ROS1: variants seen among roughly 807,000 people sequenced by gnomAD.
The protein encoded by ROS1 is proto-oncogene tyrosine-protein kinase ROS.
ROS1 carries 263 observed loss-of-function variants against 273.5 expected under a neutral mutation model. The ratio of observed to expected loss-of-function variants is 0.96; its 90% confidence interval spans 0.87 to 1.06. The LOEUF (loss-of-function observed/expected upper bound fraction) is 1.06, where lower values mean the gene tolerates loss of function less well. Ranked by LOEUF, ROS1 falls within the 50% of genes least tolerant of loss-of-function variation. The pLI is 0.00. For synonymous variants in ROS1, 1,008 were observed against 954.1 expected, an observed-to-expected ratio of 1.06 and a Z score of -1.04; for missense variants, 2,833 against 2,751.1, an observed-to-expected ratio of 1.03 and a Z score of -0.67.
intron 1 of ROS1, among the ~76,000 whole-genome samples, chr6:117,422,548 T>C (rs1162244761): frequency 6.6e-6 from 1 of 152,086 alleles, no homozygotes; most frequent in Non-Finnish European, 1.5e-5. Context: ...AATTTCTGAA[T>C]TATGATCTTA....
intron 41 of ROS1, among the ~76,000 whole-genome samples, chr6:117,309,189 T>C (rs577071831): frequency 2.1e-4 from 32 of 152,298 alleles, no homozygotes; most frequent in African/African-American, 7.5e-4. Flanking sequence ...CAGACTCATA[T>C]GCATGCTCAC....
At chr6:117,415,513 A>C in intron 3 of ROS1, among the ~76,000 whole-genome samples, 1 of 152,198 alleles carries the variant, frequency 6.6e-6, no homozygotes, top group Non-Finnish European at 1.5e-5. Flanking sequence ...CAAAATTCTT[A>C]ATCATGTGAT....
intron 4 of ROS1, among the ~76,000 whole-genome samples, chr6:117,411,782 T>G (rs1774930835): frequency 6.6e-6 from 1 of 152,178 alleles, no homozygotes; most frequent in Admixed American, 6.5e-5. Context: ...CAAGCATGGT[T>G]TTGGGATCTA....
At position 117,394,643 on chromosome 6, in the gene ROS1, A is replaced by G. The variant is rs1025021082; in HGVS notation, c.979T>C (p.Leu327=). 2.5e-6 allele frequency: 4 copies of G among 1,611,594 alleles called. No homozygotes were observed. The highest frequency in any genetic ancestry group is 3.3e-5 in the Admixed American group (2 of 59,922). The change falls in exon 10 of 44, where the codon TTG becomes CTG. Residue 327 remains leucine, a synonymous_variant. Transcript: ENST00000368507. ...GTAATATTATGGTATATAGCATCCA[A>G]CCGAAGGCAATGTGCTTCATCTACT... is the stretch of plus-strand genomic sequence containing the variant. ...HLVDEAHCLR[L]DAIYHNITGI...
intron 18 of ROS1, among the ~76,000 whole-genome samples, chr6:117,376,782 A>C (rs1781363309): frequency 6.6e-6 from 1 of 152,178 alleles, no homozygotes; most frequent in African/African-American, 2.4e-5. Flanking sequence ...AAATGGAGAG[A>C]TACACCATTT....
In ROS1 at chr6:117,311,092, AC is replaced by A. The variant is rs2128550027; in HGVS notation, c.6142del (p.Val2048LeufsTer4). The A allele has an allele frequency of 6.2e-7, 1 of 1,610,452 alleles. No homozygotes were observed. Among genetic ancestry groups the A allele is most frequent in the African/African-American group, 1.3e-5 (1 of 74,878 alleles). ...ATCTACACACAGGTCTACAAGGTCA[AC>A]CAAGGTGAGTAAAGGACCATAAAAC... ...ATFYGPLLTL[V>X]DLVDLCVDIS... On this transcript the variant is annotated frameshift_variant, in exon 40 of 44. Transcript: ENST00000368507. LOFTEE classifies it high-confidence loss of function.
chr6:117,400,101 TACTG>T (rs1489019652), intron 7 of ROS1, among the ~76,000 whole-genome samples: 1 of 152,244 alleles, frequency 6.6e-6, no homozygotes, highest in Non-Finnish European at 1.5e-5. Flanking sequence ...GCAGATGGCA[TACTG>T]ACTAATTTCC....
rs749032930 is a variant in ROS1 at position 117,409,741 on chromosome 6, G to C, written c.256-99C>G. ...TAAAATCCGAATGCCTAATATGCAA[G>C]TATATCTTTGACCAATATACGAGTA... is the stretch of plus-strand genomic sequence containing the variant. On this transcript the variant is annotated intron_variant, in intron 4 of 43. Coordinates refer to ENST00000368507, the MANE Select transcript of ROS1 (RefSeq NM_001378902.1). 8.2e-6 allele frequency: 7 copies of C among 855,678 alleles called. No homozygotes were observed. In the African/African-American group the frequency reaches 1.0e-4, roughly 12 times the overall value. The allele number at this position is 855,678 out of a possible 1,614,324, so 53.0% of individuals were successfully genotyped here.
chr6:117,321,345 T>G lies in ROS1; in HGVS notation c.5673A>C (p.Thr1891=), dbSNP rs779326076. 3 of 1,613,562 alleles carry G rather than the reference T, an allele frequency of 1.9e-6. No individual in the cohort carries two copies. In the African/African-American group the frequency reaches 4.0e-5, roughly 22 times the overall value. The change falls in exon 36 of 44, where the codon ACA becomes ACC. Residue 1891 remains threonine, a synonymous_variant. Transcript: ENST00000368507. ...ACTCTTTGTCTTCGTTTATAAGCAC[T>G]GTCACCCCTTCCTTGGCACTTTTTT... ...KNQKSAKEGV[T]VLINEDKELA...
chr6:117,321,457 ATGT>A, intron 35 of ROS1, 63 bp from the exon 36 acceptor site: 2 of 1,421,878 alleles, frequency 1.4e-6, no homozygotes, highest in Non-Finnish European at 9.6e-7. Context: ...CCTTTAGGAA[ATGT>A]TAACAGTGCA....
intron 36 of ROS1, among the ~76,000 whole-genome samples, chr6:117,320,548 A>G (rs1776223575): frequency 6.6e-6 from 1 of 152,200 alleles, no homozygotes; most frequent in South Asian, 2.1e-4. Flanking sequence ...CAAGGGGGGA[A>G]AATGCTGCTA....
intron 43 of ROS1, among the ~76,000 whole-genome samples, chr6:117,292,564 T>C (rs780014599): frequency 5.9e-4 from 90 of 152,194 alleles, no homozygotes; most frequent in Non-Finnish European, 1.1e-3. Context: ...TGTCACTCTC[T>C]TCTTATTTCA....
chr6:117,405,667 G>GA (rs910722366), intron 5 of ROS1, among the ~76,000 whole-genome samples: 117 of 146,220 alleles, frequency 8.0e-4, no homozygotes, highest in African/African-American at 1.9e-3. Context: ...TGATACATAT[G>GA]AAAAAAAAAA....
intron 1 of ROS1, among the ~76,000 whole-genome samples, chr6:117,419,970 T>A (rs1017574061): frequency 2.6e-5 from 4 of 152,162 alleles, no homozygotes; most frequent in Non-Finnish European, 5.9e-5. Flanking sequence ...CATTCCCCAT[T>A]CTTCTCCTCA....
chr6:117,338,110 A>G (rs1777608999), intron 31 of ROS1, among the ~76,000 whole-genome samples: 1 of 152,120 alleles, frequency 6.6e-6, no homozygotes, highest in South Asian at 2.1e-4. Flanking sequence ...CTTAACATAC[A>G]AATAGGAAAA....
At position 117,358,022 on chromosome 6, in the gene ROS1, T is replaced by C. The variant is rs775243356; in HGVS notation, c.3634-13A>G. 7.0e-6 allele frequency: 11 copies of C among 1,572,990 alleles called. No individual in the cohort carries two copies. In the East Asian group the frequency reaches 2.2e-4, roughly 32 times the overall value. ...AATCTTGGAAAAGCTTAACAACAGG[T>C]AGAGAACACAGCCAAGAAGAGAGTG... is the stretch of plus-strand genomic sequence containing the variant. On this transcript the variant is annotated splice_polypyrimidine_tract_variant and intron_variant, in intron 24 of 43. Coordinates refer to ENST00000368507, the MANE Select transcript of ROS1 (RefSeq NM_001378902.1).
chr6:117,365,507 G>T, intron 20 of ROS1, 74 bp downstream of exon 20: 2 of 1,252,482 alleles, frequency 1.6e-6, no homozygotes, highest in Admixed American at 1.7e-5. Flanking sequence ...GATGATACAG[G>T]TCAGTGTGGG....
intron 7 of ROS1, among the ~76,000 whole-genome samples, chr6:117,402,442 C>T (rs1774022805): frequency 6.6e-6 from 1 of 152,184 alleles, no homozygotes; most frequent in Admixed American, 6.5e-5. Context: ...CTGCCACTGG[C>T]CTCTCCTTCC....
chr6:117,376,306 G>C (rs1395253101), intron 18 of ROS1, among the ~76,000 whole-genome samples: 1 of 152,064 alleles, frequency 6.6e-6, no homozygotes, highest in African/African-American at 2.4e-5. Context: ...ACTGGCTCAA[G>C]AAGAAATAAA....
Sources: allele counts gnomAD v4.1 joint callset (sites outside exome capture counted in the v4.1 genomes callset), GRCh38; gene constraint gnomAD v4.1.1; transcripts MANE v1.5; gene names NCBI Gene and HGNC (gene_info 2026-07-23, HGNC 2026-07-21).